Variants in CDKL5 observed in about 807,000 individuals in gnomAD.
The protein encoded by CDKL5 is cyclin dependent kinase like 5.
In CDKL5, 8 loss-of-function variants were observed where a neutral mutation model predicts 61.7. The observed-to-expected ratio is 0.13, with a 90% CI of 0.08 to 0.23. CDKL5 has a LOEUF of 0.23. Among genes scored for constraint, CDKL5 ranks in the 10% least tolerant of loss-of-function variants. The pLI is 1.00. For synonymous variants in CDKL5, 275 were observed against 272.3 expected, an observed-to-expected ratio of 1.01 and a Z score of -0.10; for missense variants, 440 against 734.5, an observed-to-expected ratio of 0.60 and a Z score of 4.63.
chrX:18,430,715 G>C, intron 1 of CDKL5, among the ~76,000 whole-genome samples: 1 of 111,093 alleles, frequency 9.0e-6, no homozygotes, highest in Middle Eastern at 4.6e-3. Flanking sequence ...AAAGTGCTAG[G>C]ATTACAGGCA....
intron 3 of CDKL5, among the ~76,000 whole-genome samples, chrX:18,519,490 G>A (rs1156856831): frequency 9.0e-6 from 1 of 111,449 alleles, no homozygotes; most frequent in Non-Finnish European, 1.9e-5. Context: ...ATAAGGTGGG[G>A]GACTTCAGTG....
chrX:18,459,277 C>G (rs755794271), intron 1 of CDKL5, among the ~76,000 whole-genome samples: 1 of 111,187 alleles, frequency 9.0e-6, no homozygotes, highest in South Asian at 3.8e-4. Flanking sequence ...TACCTGAGGC[C>G]GAGCACCATG....
intron 16 of CDKL5, among the ~76,000 whole-genome samples, chrX:18,624,250 G>C (rs940114525): frequency 8.9e-6 from 1 of 112,353 alleles, no homozygotes; most frequent in Non-Finnish European, 1.9e-5. Flanking sequence ...TGATTAGCCA[G>C]TTATGGGCAG....
At chrX:18,643,423 C>A (rs939709626), downstream of CDKL5, among the ~76,000 whole-genome samples, 20 of 110,767 alleles carry the variant, frequency 1.8e-4, no homozygotes, top group South Asian at 7.6e-4. Flanking sequence ...AAGTCAGGAG[C>A]CAGGTGAAGA....
chrX:18,599,120 A>G (rs993703579), intron 11 of CDKL5, among the ~76,000 whole-genome samples: 1 of 112,756 alleles, frequency 8.9e-6, no homozygotes, highest in Non-Finnish European at 1.9e-5. Context: ...TTAATTTTTC[A>G]TAAGAATAAG....
chrX:18,653,518 G>A (rs772980434), exon 22 of CDKL5: 2 of 1,210,506 alleles, frequency 1.7e-6, no homozygotes, highest in Non-Finnish European at 2.2e-6. Context: ...GACATACCAT[G>A]AGAATGCGGC....
intron 1 of CDKL5, among the ~76,000 whole-genome samples, chrX:18,505,270 G>GA (rs1168292155): frequency 9.0e-6 from 1 of 111,371 alleles, no homozygotes; most frequent in African/African-American, 3.3e-5. Context: ...TTGTAAACAT[G>GA]ATGCCCCTTT....
At chrX:18,455,365 T>A (rs1056054725) in intron 1 of CDKL5, among the ~76,000 whole-genome samples, 1 of 112,676 alleles carries the variant, frequency 8.9e-6, no homozygotes, top group African/African-American at 3.2e-5. Flanking sequence ...ATGAAAAACA[T>A]GTAATGATTG....
chrX:18,535,669 C>A, intron 3 of CDKL5: 1 of 155,010 alleles, frequency 6.5e-6, no homozygotes. Context: ...CTTACTCTCT[C>A]GCCCCCGGAG....
chrX:18,511,955 C>T (rs1433129484), intron 3 of CDKL5, among the ~76,000 whole-genome samples: 2 of 111,777 alleles, frequency 1.8e-5, no homozygotes, highest in Non-Finnish European at 3.8e-5. Flanking sequence ...TGAGCTAGAA[C>T]TTGGGATAAT....
At chrX:18,626,135 C>T (rs1285890850) in intron 17 of CDKL5, among the ~76,000 whole-genome samples, 2 of 106,591 alleles carry the variant, frequency 1.9e-5, no homozygotes, top group Non-Finnish European at 3.9e-5. Flanking sequence ...GGCACAAACT[C>T]GGTTCACTGC....
intron 7 of CDKL5, among the ~76,000 whole-genome samples, chrX:18,582,266 A>G (rs777191350): frequency 3.6e-5 from 4 of 112,093 alleles, no homozygotes; most frequent in Admixed American, 2.8e-4. Flanking sequence ...AGGTTTAATC[A>G]TGAACACTAA....
chrX:18,510,439 G>A (rs1400483064), intron 2 of CDKL5, among the ~76,000 whole-genome samples: 4 of 112,561 alleles, frequency 3.6e-5, no homozygotes, highest in Non-Finnish European at 7.5e-5. Context: ...ATAGGCGTGA[G>A]CCACTGTGCC....
In CDKL5 at chrX:18,633,584, A is replaced by T; in HGVS notation, c.*4827A>T. On this transcript the variant is annotated 3_prime_UTR_variant, in exon 18 of 18. Coordinates refer to ENST00000623535, the MANE Select transcript of CDKL5 (RefSeq NM_001323289.2). ...AGCTGATGAAAAATTCTGTCTCAGA[A>T]ACGATGAGTAAGAAACCATACAAGA... 1.3e-6 allele frequency: 1 copy of T among 754,894 alleles called. No individual in the cohort carries two copies. The highest frequency in any genetic ancestry group is 1.6e-6 in the Non-Finnish European group (1 of 639,486). The allele number at this position is 754,894 out of a possible 1,213,427, so 62.2% of individuals were successfully genotyped here. A position where few individuals can be genotyped will look rare whatever the true frequency, so the allele number is the denominator to read the frequency against.
At chrX:18,499,688 C>T (rs1922315528) in intron 1 of CDKL5, among the ~76,000 whole-genome samples, 1 of 112,106 alleles carries the variant, frequency 8.9e-6, no homozygotes, top group African/African-American at 3.2e-5. Flanking sequence ...TTTATTGCAT[C>T]AACCCTACCG....
At chrX:18,620,769 A>T (rs1363248111) in intron 16 of CDKL5, among the ~76,000 whole-genome samples, 2 of 111,087 alleles carry the variant, frequency 1.8e-5, no homozygotes, top group African/African-American at 3.3e-5. Context: ...TATTTTAGAG[A>T]CAGGGTCTCA....
intron 1 of CDKL5, among the ~76,000 whole-genome samples, chrX:18,501,915 T>C (rs992584392): frequency 8.0e-5 from 9 of 112,602 alleles, no homozygotes; most frequent in African/African-American, 2.9e-4. Context: ...ATGATTAATT[T>C]TTATCTCAAG....
intron 16 of CDKL5, among the ~76,000 whole-genome samples, chrX:18,622,601 G>A (rs967064797): frequency 8.9e-6 from 1 of 112,518 alleles, no homozygotes; most frequent in African/African-American, 3.2e-5. Flanking sequence ...CCAAAAGAAT[G>A]AAAATCTGAT....
At chrX:18,576,209 G>A (rs1041793929) in intron 5 of CDKL5, among the ~76,000 whole-genome samples, 3 of 111,285 alleles carry the variant, frequency 2.7e-5, no homozygotes, top group East Asian at 5.6e-4. Context: ...CAGGCGGATC[G>A]CTTGAGCCTC....
Sources: gnomAD v4.1 joint callset for allele counts (sites outside exome capture counted in the v4.1 genomes callset) on GRCh38, gnomAD v4.1.1 for gene constraint, MANE v1.5 for transcripts, NCBI Gene and HGNC (gene_info 2026-07-23, HGNC 2026-07-21) for gene names.